The following CUL2 variants were observed in gnomAD, a reference collection of about 807,000 sequenced individuals.
CUL2 encodes the protein cullin 2.
CUL2 carries 22 observed loss-of-function variants against 110.2 expected under a neutral mutation model. The observed-to-expected ratio is 0.20, with a 90% CI of 0.14 to 0.28. CUL2 has a LOEUF of 0.28. Among genes scored for constraint, CUL2 ranks in the 10% least tolerant of loss-of-function variants. The pLI, the probability that CUL2 is intolerant of heterozygous loss-of-function variation, is 1.00. For synonymous variants in CUL2, 279 were observed against 293.2 expected (o/e 0.95, Z 0.49); for missense variants, 631 against 905.5 (o/e 0.70, Z 3.89).
intron 1 of CUL2, among the ~76,000 whole-genome samples, chr10:35,086,748 T>A: frequency 6.6e-6 from 1 of 152,014 alleles, no homozygotes; most frequent in African/African-American, 2.4e-5. Flanking sequence ...ATAAATGAAC[T>A]TAACAAGGGC....
intron 1 of CUL2, among the ~76,000 whole-genome samples, chr10:35,105,969 G>A (rs2087450224): frequency 6.6e-6 from 1 of 152,130 alleles, no homozygotes; most frequent in Non-Finnish European, 1.5e-5. Flanking sequence ...AACAATCACT[G>A]AAGTAACAGA....
intron 20 of CUL2, 97 bp from the exon 21 acceptor site, chr10:35,010,539 G>A: frequency 8.1e-7 from 1 of 1,228,498 alleles, no homozygotes; most frequent in Non-Finnish European, 1.1e-6. Flanking sequence ...AATGTACTGA[G>A]GTTTCAACAA....
intron 2 of CUL2, among the ~76,000 whole-genome samples, chr10:35,066,079 CTTATT>C (rs1324778921): frequency 6.6e-6 from 1 of 152,174 alleles, no homozygotes; most frequent in East Asian, 1.9e-4. Flanking sequence ...AGCAAAGTTA[CTTATT>C]TTATTTCATG....
intron 17 of CUL2, among the ~76,000 whole-genome samples, chr10:35,019,814 G>C (rs1239724510): frequency 6.6e-6 from 1 of 152,150 alleles, no homozygotes; most frequent in Non-Finnish European, 1.5e-5. Flanking sequence ...AACCAGTAAT[G>C]AAACAACTGA....
intron 6 of CUL2, among the ~76,000 whole-genome samples, chr10:35,046,672 A>C (rs1175818243): frequency 6.6e-6 from 1 of 152,170 alleles, no homozygotes; most frequent in Non-Finnish European, 1.5e-5. Flanking sequence ...TGGGCAGATC[A>C]TCTGAGGTCG....
intron 2 of CUL2, among the ~76,000 whole-genome samples, chr10:35,100,006 A>T (rs1326921204): frequency 6.6e-6 from 1 of 152,014 alleles, no homozygotes; most frequent in Non-Finnish European, 1.5e-5. Context: ...GAGTCTTGCT[A>T]TGTTGCCCAG....
In CUL2 at chr10:35,010,338, C is replaced by T. The variant is rs771431800; in HGVS notation, c.2211G>A (p.Ser737=). 27 of 1,610,874 alleles carry T rather than the reference C, an allele frequency of 1.7e-5. No homozygotes were observed. Among genetic ancestry groups the T allele is most frequent in the South Asian group, 9.9e-5 (9 of 90,600 alleles). ...ACGCGACGTAGCTGTATTCATCTGC[C>T]GACGCCTGGCTGCGTTCTATGTATT... The part of the protein sequence containing the change: ...DKQYIERSQA[S]ADEYSYVA The change falls in exon 21 of 21, where the codon TCG becomes TCA. Residue 737 remains serine (S), a synonymous_variant. Transcript: ENST00000374749.
Position 35,038,956 on chromosome 10 carries a change from C to T in CUL2, c.841G>A (p.Glu281Lys), listed in dbSNP as rs752213158. 1 of 1,606,074 alleles carries T rather than the reference C, an allele frequency of 6.2e-7. No individual in the cohort carries two copies. Among genetic ancestry groups the T allele is most frequent in the South Asian group, 1.1e-5 (1 of 89,642 alleles). ...VADHLQFLHA[E>K]CHNIIRQEKK... ...TCTTGTCGAATTATATTATGACATT[C>T]TGCATGTAAAAACTGTAAGTGGTCT... is the stretch of plus-strand genomic sequence containing the variant. Residue 281 changes from glutamate to lysine, a missense_variant, in exon 9 of 21, where the codon GAA becomes AAA. By Grantham distance (56) the Glu-to-Lys change is moderately conservative (BLOSUM62 1). Coordinates refer to ENST00000374749, the MANE Select transcript of CUL2 (RefSeq NM_003591.4).
chr10:35,051,578 A>T (rs939679552), intron 5 of CUL2, among the ~76,000 whole-genome samples: 4 of 152,166 alleles, frequency 2.6e-5, no homozygotes, highest in Non-Finnish European at 5.9e-5. Flanking sequence ...GTGCCACTGC[A>T]CTCCAGCCTG....
Position 35,011,185 on chromosome 10 carries a change from C to T in CUL2, c.2106+663G>A, listed in dbSNP as rs565443185. Among the ~76,000 whole-genome samples, 4 of 151,534 alleles carry T rather than the reference C, an allele frequency of 2.6e-5. No individual in the cohort carries two copies. In the South Asian group the frequency reaches 8.4e-4, roughly 32 times the overall value. ...AGTTGGTACTACAAGTGTGCCGCCA[C>T]AACTGGCTAATTTTTTAATTTTTTA... is the stretch of plus-strand genomic sequence containing the variant. On this transcript the variant is annotated intron_variant, in intron 20 of 20. Transcript: ENST00000374749.
At chr10:35,038,711 A>T (rs1243535102) in intron 9 of CUL2, among the ~76,000 whole-genome samples, 1 of 151,824 alleles carries the variant, frequency 6.6e-6, no homozygotes, top group East Asian at 1.9e-4. Flanking sequence ...GTATAAACAC[A>T]ATTTCCCACT....
In CUL2 at chr10:35,032,471, G is replaced by A; in HGVS notation, c.1134C>T (p.Tyr378=). 1 of 1,590,176 alleles carries A rather than the reference G, an allele frequency of 6.3e-7. No individual in the cohort carries two copies. The stretch of plus-strand genomic sequence containing the variant: ...CTTTGCAAACAGACTTAGGTTCTCT[G>A]TAATTTACAACTGACGTAAGGGCCT... The part of the protein sequence containing the change: ...LDKALTSVVN[Y]REPKSVCKAP... Residue 378 remains tyrosine (Y), a synonymous_variant, in exon 12 of 21, where the codon TAC becomes TAT. Coordinates refer to ENST00000374749, the MANE Select transcript of CUL2 (RefSeq NM_003591.4).
intron 1 of CUL2, among the ~76,000 whole-genome samples, 185 bp from the exon 2 acceptor site, chr10:35,071,524 T>C (rs1005470241): frequency 7.9e-5 from 12 of 152,092 alleles, no homozygotes; most frequent in African/African-American, 2.7e-4. Context: ...CCTGCCTCAG[T>C]CTCCCAAGTA....
chr10:35,044,540 T>G (rs574893024), intron 8 of CUL2, 26 bp downstream of exon 8: 2 of 1,405,164 alleles, frequency 1.4e-6, no homozygotes, highest in Non-Finnish European at 2.0e-6. Flanking sequence ...AATAGATAAA[T>G]GTATTCGATA....
At chr10:35,019,552 C>T (rs907572557) in intron 17 of CUL2, among the ~76,000 whole-genome samples, 1 of 152,104 alleles carries the variant, frequency 6.6e-6, no homozygotes, top group Non-Finnish European at 1.5e-5. Context: ...TGAGAAACAA[C>T]AAGAGTGGTG....
intron 1 of CUL2, among the ~76,000 whole-genome samples, chr10:35,104,390 G>T (rs1475212487): frequency 6.6e-6 from 1 of 152,156 alleles, no homozygotes; most frequent in East Asian, 1.9e-4. Context: ...AGGCTGCAGT[G>T]AACCAAGATC....
chr10:35,045,957 G>C (rs1051788414), intron 6 of CUL2, among the ~76,000 whole-genome samples: 7 of 152,170 alleles, frequency 4.6e-5, no homozygotes, highest in African/African-American at 1.4e-4. Flanking sequence ...GTAAGAGCTT[G>C]TTGCTCTATA....
intron 1 of CUL2, among the ~76,000 whole-genome samples, chr10:35,109,985 G>GTGCT (rs970166498): frequency 2.0e-5 from 3 of 152,118 alleles, no homozygotes; most frequent in African/African-American, 7.2e-5. Flanking sequence ...AGCAGCCTGG[G>GTGCT]CAACATAGTG....
intron 6 of CUL2, among the ~76,000 whole-genome samples, chr10:35,048,917 T>C (rs1295845084): frequency 6.6e-6 from 1 of 152,040 alleles, no homozygotes; most frequent in Non-Finnish European, 1.5e-5. Context: ...ATTCCTCATA[T>C]AAAAAAAACT....
Sources: gnomAD v4.1 joint callset for allele counts (sites outside exome capture counted in the v4.1 genomes callset) on GRCh38, gnomAD v4.1.1 for gene constraint, MANE v1.5 for transcripts, NCBI Gene and HGNC (gene_info 2026-07-23, HGNC 2026-07-21) for gene names.